Variants in DPP6 observed in about 807,000 individuals in gnomAD.
The protein encoded by DPP6 is A-type potassium channel modulatory protein DPP6.
DPP6 carries 69 observed loss-of-function variants against 122.6 expected under a neutral mutation model. The ratio of observed to expected loss-of-function variants is 0.56; its 90% confidence interval spans 0.46 to 0.69. The LOEUF is 0.69. DPP6 is among the 30% of genes least tolerant of loss of function. The pLI, the probability that DPP6 is intolerant of heterozygous loss-of-function variation, is 0.00. For missense variants in DPP6, 928 were observed against 1,116.9 expected (o/e 0.83, Z 2.41); for synonymous variants, 418 against 433.1 (o/e 0.97, Z 0.43).
intron 5 of DPP6, among the ~76,000 whole-genome samples, chr7:154,576,708 G>A (rs1345546118): frequency 1.3e-5 from 2 of 152,136 alleles, no homozygotes; most frequent in Admixed American, 1.3e-4. Flanking sequence ...TGGATGCGCG[G>A]GAAATACCAG....
At chr7:154,428,809 G>T (rs1818118346) in intron 1 of DPP6, among the ~76,000 whole-genome samples, 1 of 152,152 alleles carries the variant, frequency 6.6e-6, no homozygotes. Flanking sequence ...GGGTATGCAA[G>T]GCATACAGAG....
At chr7:154,245,700 T>A (rs527347364) in intron 1 of DPP6, among the ~76,000 whole-genome samples, 16 of 149,894 alleles carry the variant, frequency 1.1e-4, no homozygotes, top group African/African-American at 3.7e-4. Context: ...AGATAAGGAA[T>A]GCTGTTAGAG....
chr7:153,786,508 G>A, the DPP6 span, among the ~76,000 whole-genome samples: 1 of 151,574 alleles, frequency 6.6e-6, no homozygotes, highest in African/African-American at 2.4e-5. Flanking sequence ...GGGAGGCCGA[G>A]GCGGGCGGAT....
intron 1 of DPP6, among the ~76,000 whole-genome samples, chr7:154,390,291 G>A (rs1242884593): frequency 6.6e-6 from 1 of 152,224 alleles, no homozygotes; most frequent in Non-Finnish European, 1.5e-5. Context: ...TCTCACTTAA[G>A]TGAGGTAGGT....
At chr7:154,353,309 A>C (rs951332692) in intron 1 of DPP6, among the ~76,000 whole-genome samples, 15 of 152,156 alleles carry the variant, frequency 9.9e-5, no homozygotes, top group African/African-American at 3.6e-4. Context: ...TCTGGACTAC[A>C]GTTGTTCTGA....
At chr7:153,764,035 A>G in the DPP6 span, among the ~76,000 whole-genome samples, 1 of 152,192 alleles carries the variant, frequency 6.6e-6, no homozygotes, top group African/African-American at 2.4e-5. Flanking sequence ...CTGTCCCTTT[A>G]GAACAAAACT....
At chr7:154,163,611 A>G (rs1190214248) in intron 1 of DPP6, among the ~76,000 whole-genome samples, 1 of 152,188 alleles carries the variant, frequency 6.6e-6, no homozygotes, top group East Asian at 1.9e-4. Context: ...ACTGAGGCAG[A>G]TGTATCAATA....
intron 5 of DPP6, among the ~76,000 whole-genome samples, chr7:154,580,598 G>A (rs1047809636): frequency 6.6e-6 from 1 of 152,046 alleles, no homozygotes. Flanking sequence ...TGATGTCAGG[G>A]TCAGAAACTG....
chr7:153,943,605 C>T (rs1384193207), intron 1 of DPP6, among the ~76,000 whole-genome samples: 1 of 152,134 alleles, frequency 6.6e-6, no homozygotes, highest in Non-Finnish European at 1.5e-5. Flanking sequence ...GTTTTCATTC[C>T]CTTTCCAGTG....
At chr7:154,127,597 T>TCA (rs71182879) in intron 1 of DPP6, among the ~76,000 whole-genome samples, 1,834 of 136,688 alleles carry the variant, frequency 0.013, 20 homozygotes, top group African/African-American at 0.03. Flanking sequence ...GAGCAGCATC[T>TCA]CACACACACA....
intron 1 of DPP6, among the ~76,000 whole-genome samples, chr7:154,369,965 C>CTTATTT (rs1554529264): frequency 6.9e-6 from 1 of 145,848 alleles, no homozygotes; most frequent in African/African-American, 2.5e-5. Context: ...CAGATATATG[C>CTTATTT]ATTTATTTAT....
At position 154,102,485 on chromosome 7, in the gene DPP6, A is replaced by G. The variant is rs374261684; in HGVS notation, c.243+49422A>G. Among the ~76,000 whole-genome samples, 1,145 of 152,292 alleles carry G rather than the reference A, an allele frequency of 7.5e-3. 24 individuals carry two copies. Among genetic ancestry groups the G allele is most frequent in the African/African-American group, 0.027 (1,103 of 41,562 alleles). On this transcript the variant is annotated intron_variant, in intron 1 of 25. Transcript: ENST00000377770. ...ATTACAGGCATGAGCCACTGTGCCC[A>G]GCCAAGCCCCTTTTTAGTTTCTGTG...
In DPP6 at chr7:154,416,596, A is replaced by G. The variant is rs375663232; in HGVS notation, c.244-29618A>G. Among the ~76,000 whole-genome samples the G allele has an allele frequency of 1.6e-4, 25 of 152,260 alleles. 1 individual carries two copies. In the East Asian group the frequency reaches 4.1e-3, roughly 25 times the overall value. On this transcript the variant is annotated intron_variant, in intron 1 of 25. Coordinates refer to ENST00000377770, the MANE Select transcript of DPP6 (RefSeq NM_130797.4). Reference sequence around the variant, plus strand: ...GTATCATAGCTATGTATGTATAGGAAAAACAGCACATATCAGGTTCAGTGA... The same window carrying G: ...GTATCATAGCTATGTATGTATAGGAGAAACAGCACATATCAGGTTCAGTGA...
chr7:154,365,859 G>A (rs1042012420), intron 1 of DPP6, among the ~76,000 whole-genome samples: 3 of 151,200 alleles, frequency 2.0e-5, no homozygotes, highest in African/African-American at 7.3e-5. Context: ...TCGGGAGGCT[G>A]AAGCAGGAGA....
At position 154,639,251 on chromosome 7, in the gene DPP6, T is replaced by C. The variant is rs146175563; in HGVS notation, c.680+1378T>C. Among the ~76,000 whole-genome samples, 334 of 152,336 alleles carry C rather than the reference T, an allele frequency of 2.2e-3. 1 individual carries two copies. Among genetic ancestry groups the C allele is most frequent in the Non-Finnish European group, 3.8e-3 (260 of 68,032 alleles). On this transcript the variant is annotated intron_variant, in intron 6 of 25. Coordinates refer to ENST00000377770, the MANE Select transcript of DPP6 (RefSeq NM_130797.4). Reference sequence around the variant, plus strand: ...TGACCAATAGTTTCTGTTAGATTATTAGAAAAGTGAAGCCCAAAGAAAGCA... The same window carrying C: ...TGACCAATAGTTTCTGTTAGATTATCAGAAAAGTGAAGCCCAAAGAAAGCA...
chr7:154,065,587 G>A (rs930515227), intron 1 of DPP6, among the ~76,000 whole-genome samples: 1 of 151,536 alleles, frequency 6.6e-6, no homozygotes, highest in Non-Finnish European at 1.5e-5. Flanking sequence ...TTACACCATG[G>A]CCTTAGTACC....
intron 6 of DPP6, among the ~76,000 whole-genome samples, chr7:154,648,207 A>C (rs556300412): frequency 5.1e-4 from 78 of 151,644 alleles, no homozygotes; most frequent in African/African-American, 1.8e-3. Context: ...GGCAGAGGTT[A>C]CAGTGAGCCG....
chr7:154,697,154 T>C (rs1284388707), intron 7 of DPP6, among the ~76,000 whole-genome samples: 1 of 152,106 alleles, frequency 6.6e-6, no homozygotes, highest in Non-Finnish European at 1.5e-5. Flanking sequence ...GGCACAGTAT[T>C]GATGGGAAAG....
chr7:153,798,450 G>A, the DPP6 span, among the ~76,000 whole-genome samples: 1 of 152,178 alleles, frequency 6.6e-6, no homozygotes, highest in African/African-American at 2.4e-5. Context: ...GCAATCACAG[G>A]CAAAGGCTCT....
Sources: gnomAD v4.1 joint callset for allele counts (sites outside exome capture counted in the v4.1 genomes callset) on GRCh38, gnomAD v4.1.1 for gene constraint, MANE v1.5 for transcripts, NCBI Gene and HGNC (gene_info 2026-07-23, HGNC 2026-07-21) for gene names.